Variants in TFEC observed in about 807,000 individuals in gnomAD.
TFEC encodes class E basic helix-loop-helix protein 34.
Under a neutral mutation model 41.6 loss-of-function variants are expected in TFEC, and 31 were observed. That is an observed-to-expected ratio of 0.74 (90% confidence interval 0.56 to 1.01). The LOEUF (loss-of-function observed/expected upper bound fraction) is 1.01. Ranked by LOEUF, TFEC falls within the 50% of genes least tolerant of loss-of-function variation. TFEC has a pLI of 0.00. For synonymous variants in TFEC, 143 were observed against 140.6 expected (o/e 1.02, Z -0.12); for missense variants, 402 against 404.1 (o/e 0.99, Z 0.04).
intron 3 of TFEC, among the ~76,000 whole-genome samples, chr7:116,057,697 T>C (rs548763977): frequency 3.3e-5 from 5 of 151,928 alleles, no homozygotes; most frequent in South Asian, 4.1e-4. Flanking sequence ...TAGTAATGCA[T>C]TGAGGGGTTT....
chr7:116,131,877 A>G (rs1798339837), intron 1 of TFEC, among the ~76,000 whole-genome samples: 1 of 152,218 alleles, frequency 6.6e-6, no homozygotes, highest in Non-Finnish European at 1.5e-5. Flanking sequence ...GTGAATTGAG[A>G]TGAGCTTTTC....
chr7:116,059,480 C>T (rs1339390579), intron 3 of TFEC, among the ~76,000 whole-genome samples: 1 of 151,808 alleles, frequency 6.6e-6, no homozygotes, highest in Non-Finnish European at 1.5e-5. Context: ...CGTCTTCTTC[C>T]CCCACTCACT....
At chr7:115,983,014 C>T (rs1410988161) in intron 2 of TFEC, among the ~76,000 whole-genome samples, 1 of 152,006 alleles carries the variant, frequency 6.6e-6, no homozygotes, top group Non-Finnish European at 1.5e-5. Context: ...TAGAAATCAA[C>T]CTTTCACACA....
intron 3 of TFEC, among the ~76,000 whole-genome samples, chr7:116,079,518 T>G (rs2131050661): frequency 1.3e-5 from 2 of 152,008 alleles, no homozygotes; most frequent in South Asian, 2.1e-4. Context: ...AAATCAGTAT[T>G]TCTCCTATAT....
chr7:116,011,499 A>G (rs1415355276), intron 1 of TFEC, among the ~76,000 whole-genome samples: 2 of 152,212 alleles, frequency 1.3e-5, no homozygotes, highest in Non-Finnish European at 2.9e-5. Context: ...TATGCTATCT[A>G]TTGAAGAAAT....
At chr7:116,046,771 A>C (rs1371817651) in intron 3 of TFEC, among the ~76,000 whole-genome samples, 1 of 152,204 alleles carries the variant, frequency 6.6e-6, no homozygotes, top group Non-Finnish European at 1.5e-5. Flanking sequence ...CACAACATAT[A>C]ATTAATGTCC....
At chr7:116,009,892 T>A (rs527496836) in intron 1 of TFEC, among the ~76,000 whole-genome samples, 13 of 152,230 alleles carry the variant, frequency 8.5e-5, no homozygotes, top group African/African-American at 3.1e-4. Context: ...GTGCTATAAA[T>A]GATAGGACGG....
At chr7:115,974,420 A>ATATT (rs1407765874) in intron 2 of TFEC, among the ~76,000 whole-genome samples, 164 bp from the exon 3 acceptor site, 3 of 46,526 alleles carry the variant, frequency 6.4e-5, no homozygotes, top group Non-Finnish European at 1.5e-4. Flanking sequence ...ATATATATAT[A>ATATT]TATATATATA....
At chr7:115,996,060 A>G (rs1019253998) in intron 1 of TFEC, among the ~76,000 whole-genome samples, 4 of 152,204 alleles carry the variant, frequency 2.6e-5, no homozygotes, top group Non-Finnish European at 5.9e-5. Context: ...GCTTACAGCC[A>G]GTGGACTTGG....
intron 3 of TFEC, among the ~76,000 whole-genome samples, chr7:116,039,177 T>C (rs1055755927): frequency 6.6e-6 from 1 of 152,030 alleles, no homozygotes; most frequent in Non-Finnish European, 1.5e-5. Context: ...ACATATCAAC[T>C]TTTCCCAGGA....
At chr7:116,100,286 C>A (rs911455672) in intron 3 of TFEC, among the ~76,000 whole-genome samples, 2 of 152,128 alleles carry the variant, frequency 1.3e-5, no homozygotes, top group Non-Finnish European at 2.9e-5. Context: ...ACATGGAGAT[C>A]AGCACTCTTA....
chr7:115,977,452 C>G (rs1793434559), intron 2 of TFEC, among the ~76,000 whole-genome samples: 1 of 151,852 alleles, frequency 6.6e-6, no homozygotes. Flanking sequence ...TGGGATAATA[C>G]TAGAAATATT....
intron 1 of TFEC, among the ~76,000 whole-genome samples, chr7:116,127,285 C>T (rs1374451764): frequency 4.0e-5 from 6 of 151,880 alleles, no homozygotes; most frequent in African/African-American, 9.7e-5. Flanking sequence ...TTAGTAGAGA[C>T]GGGGTTTCAC....
At chr7:115,972,857 A>G (rs1019224566) in intron 3 of TFEC, among the ~76,000 whole-genome samples, 1 of 152,074 alleles carries the variant, frequency 6.6e-6, no homozygotes, top group Non-Finnish European at 1.5e-5. Context: ...TACAATTTCA[A>G]TGAAGTAAGT....
In TFEC at chr7:116,059,285, A is replaced by G. The variant is rs535040662; in HGVS notation, c.198+51423T>C. ...TTTTGACAAATTCTTTAAAAGGTAC[A>G]AACAAGATTTCAAGAAGAAATAGAT... On this transcript the variant is annotated intron_variant, in intron 3 of 8. Coordinates refer to the TFEC transcript ENST00000484212. Among the ~76,000 whole-genome samples the G allele has an allele frequency of 3.9e-5, 6 of 151,988 alleles. No homozygotes were observed. The East Asian group carries it at 1.2e-3, about 29-fold the overall frequency.
At chr7:116,003,969 G>A (rs974158218) in intron 1 of TFEC, among the ~76,000 whole-genome samples, 1 of 152,082 alleles carries the variant, frequency 6.6e-6, no homozygotes, top group South Asian at 2.1e-4. Context: ...TAAAATTTGT[G>A]AGCTGCAATG....
chr7:116,069,520 T>C lies in TFEC; in HGVS notation c.198+41188A>G, dbSNP rs185330542. On this transcript the variant is annotated intron_variant, in intron 3 of 8. Transcript: ENST00000484212. ...TCCTTGAACCTTGCCTCCAGGTAGA[T>C]GAAACACTATTAATGAACAATGTAA... 3.6e-3 allele frequency among the ~76,000 whole-genome samples: 540 copies of C among 151,788 alleles called. 2 individuals are homozygous for C. Among genetic ancestry groups the C allele is most frequent in the Non-Finnish European group, 4.2e-3 (283 of 67,666 alleles).
At position 116,093,187 on chromosome 7, in the gene TFEC, A is replaced by T. The variant is rs1042657166; in HGVS notation, c.198+17521T>A. Among the ~76,000 whole-genome samples, 7 of 152,162 alleles carry T rather than the reference A, an allele frequency of 4.6e-5. No individual in the cohort carries two copies. The East Asian group carries it at 1.3e-3, about 29-fold the overall frequency. On this transcript the variant is annotated intron_variant, in intron 3 of 8. Coordinates refer to the TFEC transcript ENST00000484212. ...GGAAAATCTCTAGTAAGAAGACGTGACATCCATGAAACCATGGTAAGACAC... is the reference window on the plus strand; with the variant it reads ...GGAAAATCTCTAGTAAGAAGACGTGTCATCCATGAAACCATGGTAAGACAC...
At chr7:116,021,409 G>C (rs1162695649) in intron 1 of TFEC, among the ~76,000 whole-genome samples, 1 of 152,084 alleles carries the variant, frequency 6.6e-6, no homozygotes, top group African/African-American at 2.4e-5. Flanking sequence ...GCCACAACAG[G>C]GTAGAGTTTC....
Sources: allele counts gnomAD v4.1 joint callset (sites outside exome capture counted in the v4.1 genomes callset), GRCh38; gene constraint gnomAD v4.1.1; transcripts MANE v1.5; gene names NCBI Gene and HGNC (gene_info 2026-07-23, HGNC 2026-07-21).